Variants in PDE4D observed in about 807,000 individuals in gnomAD.
PDE4D encodes the protein 3',5'-cyclic-AMP phosphodiesterase 4D.
A neutral mutation model predicts 87.4 loss-of-function variants in PDE4D; 24 were observed. The ratio of observed to expected loss-of-function variants is 0.27; its 90% confidence interval spans 0.20 to 0.39. The LOEUF (loss-of-function observed/expected upper bound fraction) is 0.39. Ranked by LOEUF, PDE4D falls within the 10% of genes least tolerant of loss-of-function variation. The pLI is 1.00. For missense variants in PDE4D, 714 were observed against 1,041.0 expected (o/e 0.69, Z 4.32); for synonymous variants, 384 against 383.2 (o/e 1.00, Z -0.02).
intron 1 of PDE4D, among the ~76,000 whole-genome samples, chr5:59,274,673 C>T (rs1428900676): frequency 6.6e-6 from 1 of 151,962 alleles, no homozygotes; most frequent in Non-Finnish European, 1.5e-5. Context: ...TCCTTAAGGG[C>T]CATGCCATAT....
chr5:59,718,995 C>T (rs1470562684), intron 1 of PDE4D, among the ~76,000 whole-genome samples: 1 of 150,096 alleles, frequency 6.7e-6, no homozygotes, highest in Non-Finnish European at 1.5e-5. Context: ...TAAAGCCAGC[C>T]ACTCTTAGAA....
At chr5:59,412,578 G>A (rs1032624019) in intron 1 of PDE4D, among the ~76,000 whole-genome samples, 4 of 152,136 alleles carry the variant, frequency 2.6e-5, no homozygotes, top group African/African-American at 9.7e-5. Context: ...GAAGATCACT[G>A]CTGCATCTCA....
At chr5:59,807,664 A>G (rs915197650) in intron 1 of PDE4D, among the ~76,000 whole-genome samples, 2 of 152,238 alleles carry the variant, frequency 1.3e-5, no homozygotes, top group Non-Finnish European at 2.9e-5. Flanking sequence ...GAAAAAGGAC[A>G]GACCTTTAAC....
intron 1 of PDE4D, among the ~76,000 whole-genome samples, chr5:60,291,946 T>C (rs1752934712): frequency 6.6e-6 from 1 of 152,118 alleles, no homozygotes; most frequent in Non-Finnish European, 1.5e-5. Context: ...AATTAGGATA[T>C]ATAATTCATA....
Position 59,033,868 on chromosome 5 carries a change from T to G in PDE4D, c.921+4991A>C, listed in dbSNP as rs557007285. 5.9e-5 allele frequency among the ~76,000 whole-genome samples: 9 copies of G among 152,316 alleles called. No homozygotes were observed. In the South Asian group the frequency reaches 1.7e-3, roughly 28 times the overall value. ...ATTTATCTAGTAATGATTAATTTAT[T>G]GAATAATTAAAAATTAGGAGTTTTT... On this transcript the variant is annotated intron_variant, in intron 6 of 14. Transcript: ENST00000340635.
chr5:60,196,681 T>C (rs866814687), intron 1 of PDE4D, among the ~76,000 whole-genome samples: 4 of 151,562 alleles, frequency 2.6e-5, no homozygotes, highest in African/African-American at 4.8e-5. Flanking sequence ...ATTCCCTGAG[T>C]CATCATGAGG....
At chr5:59,991,263 G>C (rs748045791) in intron 2 of PDE4D, among the ~76,000 whole-genome samples, 1 of 151,988 alleles carries the variant, frequency 6.6e-6, no homozygotes, top group Non-Finnish European at 1.5e-5. Flanking sequence ...ACTGGAAGGG[G>C]TCTTAAGGTT....
rs547345243 is a variant in PDE4D at position 60,367,670 on chromosome 5, G to C, written c.-90+120272C>G. Among the ~76,000 whole-genome samples, 5 of 152,182 alleles carry C rather than the reference G, an allele frequency of 3.3e-5. No individual in the cohort carries two copies. The South Asian group carries it at 1.0e-3, about 32-fold the overall frequency. On this transcript the variant is annotated intron_variant, in intron 1 of 16. Transcript: ENST00000502484. ...TCCTGCTGGGACCTGGCTACTCTGG[G>C]CCTTCCAGTGGGAGTCCTGATGCCC...
chr5:59,091,175 G>A (rs1013035456), intron 5 of PDE4D: 30 of 448,768 alleles, frequency 6.7e-5, no homozygotes, highest in Middle Eastern at 3.3e-4. Flanking sequence ...TTATTAGAAC[G>A]TGGAGCAACA....
rs140723122 is a variant in PDE4D, at chr5:59,883,059, G to C, written c.455+10109C>G. 8.2e-4 allele frequency among the ~76,000 whole-genome samples: 125 copies of C among 152,298 alleles called. 2 individuals carry two copies. In the East Asian group the frequency reaches 0.022, roughly 27 times the overall value. On this transcript the variant is annotated intron_variant, in intron 1 of 14. Coordinates refer to ENST00000340635, the MANE Select transcript of PDE4D (RefSeq NM_001104631.2). ...CTCCCAAAGTGTTGGGATTACAGGC[G>C]TGAGCCAAGATGCCCAGCCTCTCTT...
intron 1 of PDE4D, among the ~76,000 whole-genome samples, chr5:59,519,927 A>C (rs969814626): frequency 6.7e-6 from 1 of 149,478 alleles, no homozygotes; most frequent in Non-Finnish European, 1.5e-5. Flanking sequence ...CACACACACA[A>C]ATCTCTATCT....
intron 1 of PDE4D, among the ~76,000 whole-genome samples, chr5:59,807,982 C>G (rs911779370): frequency 1.2e-4 from 19 of 152,210 alleles, no homozygotes; most frequent in African/African-American, 4.6e-4. Context: ...GGATGCCCAT[C>G]ATTCATTTGC....
intron 2 of PDE4D, among the ~76,000 whole-genome samples, chr5:60,051,426 C>T (rs1770140642): frequency 6.6e-6 from 1 of 152,130 alleles, no homozygotes; most frequent in Non-Finnish European, 1.5e-5. Flanking sequence ...ATAACCTGCT[C>T]CTGAATGACT....
chr5:60,257,222 G>GAAAGAAAGAAAGAA (rs1482229041), intron 1 of PDE4D, among the ~76,000 whole-genome samples: 1 of 143,132 alleles, frequency 7.0e-6, no homozygotes, highest in African/African-American at 2.7e-5. Flanking sequence ...AAGAAAGAAA[G>GAAAGAAAGAAAGAA]AGAAAGAAAG....
intron 1 of PDE4D, among the ~76,000 whole-genome samples, chr5:59,643,242 TC>T (rs1741903799): frequency 6.6e-6 from 1 of 152,198 alleles, no homozygotes; most frequent in Admixed American, 6.5e-5. Context: ...CCTGAAAGTC[TC>T]CCTAAGTTGA....
At chr5:60,486,464 T>A (rs1335143581) in intron 1 of PDE4D, among the ~76,000 whole-genome samples, 1 of 152,114 alleles carries the variant, frequency 6.6e-6, no homozygotes, top group Non-Finnish European at 1.5e-5. Flanking sequence ...AGAAAAGGAG[T>A]CTACGTTGGC....
At chr5:59,962,706 A>G (rs1219029680) in intron 3 of PDE4D, among the ~76,000 whole-genome samples, 1 of 152,188 alleles carries the variant, frequency 6.6e-6, no homozygotes, top group African/African-American at 2.4e-5. Flanking sequence ...AGACAATCAA[A>G]GAATATTTAG....
intron 3 of PDE4D, among the ~76,000 whole-genome samples, chr5:59,193,059 G>A (rs1287359484): frequency 1.3e-5 from 2 of 152,196 alleles, no homozygotes; most frequent in Non-Finnish European, 2.9e-5. Flanking sequence ...GAAGGAAGAA[G>A]TAAACATCAA....
At chr5:60,356,858 A>G (rs1759666190) in intron 1 of PDE4D, among the ~76,000 whole-genome samples, 1 of 152,174 alleles carries the variant, frequency 6.6e-6, no homozygotes, top group Non-Finnish European at 1.5e-5. Flanking sequence ...GGAAACTGGC[A>G]TGTTAGTGCA....
Sources: gnomAD v4.1 joint callset for allele counts (sites outside exome capture counted in the v4.1 genomes callset) on GRCh38, gnomAD v4.1.1 for gene constraint, MANE v1.5 for transcripts, NCBI Gene and HGNC (gene_info 2026-07-23, HGNC 2026-07-21) for gene names.